Variants in LDB2 observed in about 807,000 individuals in gnomAD.
LDB2 encodes LIM domain binding 2.
LDB2 carries 12 observed loss-of-function variants against 44.3 expected under a neutral mutation model. The ratio of observed to expected loss-of-function variants is 0.27; its 90% CI spans 0.17 to 0.44. LDB2 has a LOEUF of 0.44. Among genes scored for constraint, LDB2 ranks in the 20% least tolerant of loss-of-function variants. The pLI, the probability that LDB2 is intolerant of heterozygous loss-of-function variation, is 1.00. For missense variants in LDB2, 344 were observed against 473.5 expected (o/e 0.73, Z 2.54); for synonymous variants, 164 against 174.8 (o/e 0.94, Z 0.49).
At chr4:16,558,468 A>C (rs904920743) in intron 5 of LDB2, among the ~76,000 whole-genome samples, 30 of 152,228 alleles carry the variant, frequency 2.0e-4, no homozygotes, top group Non-Finnish European at 4.0e-4. Flanking sequence ...CAGTGATGGA[A>C]GACGAAATGA....
At chr4:16,820,299 A>ATATTTATTG (rs1424128564) in intron 1 of LDB2, among the ~76,000 whole-genome samples, 1 of 152,170 alleles carries the variant, frequency 6.6e-6, no homozygotes, top group Non-Finnish European at 1.5e-5. Context: ...TTATTCAAAA[A>ATATTTATTG]TATTTATTGG....
Position 16,757,857 on chromosome 4 carries a change from A to G in LDB2, c.235+1301T>C, listed in dbSNP as rs141272895. On this transcript the variant is annotated intron_variant, in intron 2 of 7. Transcript: ENST00000304523. ...GTGAAGTAGGCTTATCAGTGTTTAC[A>G]CTAGGAGTCACTTTGTTGAATATAA... is the stretch of plus-strand genomic sequence containing the variant. 1.5e-3 allele frequency among the ~76,000 whole-genome samples: 225 copies of G among 152,274 alleles called. 2 individuals are homozygous for G. The highest frequency in any genetic ancestry group is 5.1e-3 in the African/African-American group (211 of 41,560).
At chr4:16,893,606 A>C (rs1724054165) in intron 1 of LDB2, among the ~76,000 whole-genome samples, 2 of 152,128 alleles carry the variant, frequency 1.3e-5, no homozygotes, top group African/African-American at 4.8e-5. Flanking sequence ...GAACATTTGT[A>C]ACCTTCATAT....
At chr4:16,648,072 T>C (rs1232756171) in intron 2 of LDB2, among the ~76,000 whole-genome samples, 1 of 152,296 alleles carries the variant, frequency 6.6e-6, no homozygotes, top group Admixed American at 6.5e-5. Context: ...CCCAAACACA[T>C]CACATAGCAT....
At chr4:16,740,373 G>A (rs1762992259) in intron 2 of LDB2, among the ~76,000 whole-genome samples, 1 of 152,224 alleles carries the variant, frequency 6.6e-6, no homozygotes, top group African/African-American at 2.4e-5. Flanking sequence ...AGCCTTGGAG[G>A]TTTATAGGTG....
intron 2 of LDB2, chr4:16,750,883 A>T (rs2109104360): frequency 6.6e-6 from 1 of 152,334 alleles, no homozygotes; most frequent in Admixed American, 6.5e-5. Context: ...TGTGTAGAAC[A>T]GTTCTCTTCT....
At chr4:16,507,147 A>G (rs1719785424) in intron 7 of LDB2, 1 of 152,196 alleles carries the variant, frequency 6.6e-6, no homozygotes, top group Admixed American at 6.5e-5. Flanking sequence ...CCTAGCTCAG[A>G]AAGTGGAGGA....
intron 2 of LDB2, among the ~76,000 whole-genome samples, chr4:16,689,678 C>G (rs534586396): frequency 2.8e-4 from 43 of 152,314 alleles, no homozygotes; most frequent in African/African-American, 9.1e-4. Context: ...CCATGTAGAG[C>G]CAGTCTGAAG....
At chr4:16,764,434 T>C (rs988200552) in intron 1 of LDB2, among the ~76,000 whole-genome samples, 3 of 151,422 alleles carry the variant, frequency 2.0e-5, no homozygotes, top group Non-Finnish European at 4.4e-5. Context: ...CTGAGCCAAA[T>C]AGAAGTCTCT....
intron 1 of LDB2, among the ~76,000 whole-genome samples, chr4:16,818,311 A>T (rs573956222): frequency 6.6e-6 from 1 of 152,212 alleles, no homozygotes; most frequent in African/African-American, 2.4e-5. Flanking sequence ...GCAGTGTGTC[A>T]CTTTCACAGC....
At chr4:16,849,004 T>G (rs1280774543) in intron 1 of LDB2, among the ~76,000 whole-genome samples, 1 of 152,204 alleles carries the variant, frequency 6.6e-6, no homozygotes, top group Non-Finnish European at 1.5e-5. Flanking sequence ...TCTTCAAAGA[T>G]TTCTCAAAGC....
intron 2 of LDB2, among the ~76,000 whole-genome samples, chr4:16,706,724 T>C (rs2152648447): frequency 6.6e-6 from 1 of 152,292 alleles, no homozygotes; most frequent in South Asian, 2.1e-4. Flanking sequence ...GTAGAAGAAA[T>C]CTGGGGAGAC....
intron 2 of LDB2, among the ~76,000 whole-genome samples, chr4:16,646,720 A>T (rs1378142582): frequency 6.6e-6 from 1 of 152,228 alleles, no homozygotes; most frequent in Non-Finnish European, 1.5e-5. Flanking sequence ...CTTTTTATGC[A>T]GTATTATCAC....
chr4:16,849,277 A>AC (rs1787715467), intron 1 of LDB2, among the ~76,000 whole-genome samples: 1 of 151,982 alleles, frequency 6.6e-6, no homozygotes, highest in Non-Finnish European at 1.5e-5. Context: ...TTCTGTGACC[A>AC]CCCCAACTAA....
At chr4:16,512,204 C>G (rs1722006704) in intron 5 of LDB2, 100 bp from the exon 6 acceptor site, 1 of 1,123,884 alleles carries the variant, frequency 8.9e-7, no homozygotes, top group Non-Finnish European at 1.2e-6. Flanking sequence ...TTTGAGAATA[C>G]TTTTATTTTC....
At chr4:16,662,423 C>A (rs1741840963) in intron 2 of LDB2, among the ~76,000 whole-genome samples, 1 of 152,142 alleles carries the variant, frequency 6.6e-6, no homozygotes. Flanking sequence ...TTTGTAAAGT[C>A]CACCCTCCCC....
intron 2 of LDB2, among the ~76,000 whole-genome samples, chr4:16,668,378 G>A (rs1008252028): frequency 7.2e-5 from 11 of 152,144 alleles, no homozygotes; most frequent in African/African-American, 1.2e-4. Flanking sequence ...CCTCTGGGGC[G>A]ACATAGCACA....
chr4:16,887,155 GGTAA>G (rs1464666032), intron 1 of LDB2, among the ~76,000 whole-genome samples: 1 of 150,896 alleles, frequency 6.6e-6, no homozygotes, highest in African/African-American at 2.4e-5. Flanking sequence ...ATTAATGCTT[GGTAA>G]GTGTGTTTGG....
chr4:16,773,612 C>T (rs1045939823), intron 1 of LDB2, among the ~76,000 whole-genome samples: 3 of 152,156 alleles, frequency 2.0e-5, no homozygotes, highest in Non-Finnish European at 4.4e-5. Context: ...GATGGGGGAG[C>T]GGCTGTAAAT....
Sources: gnomAD v4.1 joint callset for allele counts (sites outside exome capture counted in the v4.1 genomes callset) on GRCh38, gnomAD v4.1.1 for gene constraint, MANE v1.5 for transcripts, NCBI Gene and HGNC (gene_info 2026-07-23, HGNC 2026-07-21) for gene names.